The following SEL1L2 variants were observed in gnomAD, a reference collection of about 807,000 sequenced individuals.
SEL1L2 encodes the protein protein sel-1 homolog 2.
In SEL1L2, 89 loss-of-function variants were observed where a neutral mutation model predicts 98.8. The ratio of observed to expected loss-of-function variants is 0.90; its 90% CI spans 0.76 to 1.07. The LOEUF (loss-of-function observed/expected upper bound fraction) is 1.07, where lower values mean the gene tolerates loss of function less well. SEL1L2 is among the 50% of genes least tolerant of loss of function. SEL1L2 has a pLI of 0.00. For missense variants in SEL1L2, 788 were observed against 812.0 expected, an observed-to-expected ratio of 0.97 and a Z score of 0.36; for synonymous variants, 262 against 278.5, an observed-to-expected ratio of 0.94 and a Z score of 0.59.
At chr20:13,925,522 C>A (rs2048853197) in intron 3 of SEL1L2, among the ~76,000 whole-genome samples, 1 of 152,306 alleles carries the variant, frequency 6.6e-6, no homozygotes, top group South Asian at 2.1e-4. Flanking sequence ...GGTTGGTTTT[C>A]CCTAATCTTC....
chr20:13,907,120 A>G (rs978845821), intron 5 of SEL1L2, among the ~76,000 whole-genome samples: 3 of 152,236 alleles, frequency 2.0e-5, no homozygotes, highest in African/African-American at 7.2e-5. Flanking sequence ...TTATTTTTAC[A>G]TGATAGAATG....
At chr20:13,959,962 G>A (rs1384546328) in intron 1 of SEL1L2, among the ~76,000 whole-genome samples, 2 of 152,144 alleles carry the variant, frequency 1.3e-5, no homozygotes, top group Non-Finnish European at 2.9e-5. Flanking sequence ...TTAATGCTTT[G>A]CCTGTAATGT....
intron 8 of SEL1L2, 99 bp from the exon 9 acceptor site, chr20:13,886,541 G>T: frequency 9.7e-7 from 1 of 1,034,964 alleles, no homozygotes; most frequent in Non-Finnish European, 1.4e-6. Context: ...ATCTTAAATT[G>T]TGCAGAAATC....
At chr20:13,947,512 C>T (rs997122121) in intron 2 of SEL1L2, among the ~76,000 whole-genome samples, 2 of 152,182 alleles carry the variant, frequency 1.3e-5, no homozygotes, top group African/African-American at 2.4e-5. Context: ...TGCTCACCCT[C>T]CAATTGTCTG....
intron 2 of SEL1L2, among the ~76,000 whole-genome samples, chr20:13,939,665 C>CTTTTTTT (rs3042764): frequency 0.018 from 2,440 of 137,856 alleles, 57 homozygotes; most frequent in Non-Finnish European, 0.03. Flanking sequence ...CACCCTTATT[C>CTTTTTTT]TTTTTTTTTT....
intron 10 of SEL1L2, among the ~76,000 whole-genome samples, chr20:13,881,768 G>A (rs1258223078): frequency 6.6e-6 from 1 of 152,158 alleles, no homozygotes; most frequent in African/African-American, 2.4e-5. Context: ...CTGAGCAGTG[G>A]ACTGGAGCAT....
intron 1 of SEL1L2, among the ~76,000 whole-genome samples, chr20:13,968,190 C>T (rs1277106428): frequency 1.3e-5 from 2 of 152,152 alleles, no homozygotes; most frequent in African/African-American, 4.8e-5. Flanking sequence ...TTTATTTATT[C>T]TTTTCTGGAA....
At chr20:13,957,095 A>C (rs777463810) in intron 1 of SEL1L2, among the ~76,000 whole-genome samples, 1 of 151,740 alleles carries the variant, frequency 6.6e-6, no homozygotes, top group Non-Finnish European at 1.5e-5. Flanking sequence ...TTAATTAATT[A>C]ATTTATTTCT....
Position 13,865,358 on chromosome 20 carries a change from A to G in SEL1L2, c.1561T>C (p.Leu521=). ...EVAQSNSAFI[L]ESKKANILEK... Reference sequence around the variant, plus strand: ...TTTTAACTCATCTTACTAGATTCCAAAATGAATGCTGAATTGCTTTGAGCT... The same window carrying G: ...TTTTAACTCATCTTACTAGATTCCAGAATGAATGCTGAATTGCTTTGAGCT... The change falls in exon 16 of 20, where the codon TTG becomes CTG. Residue 521 remains leucine (L), a synonymous_variant. Transcript: ENST00000284951. 6.2e-7 allele frequency: 1 copy of G among 1,614,082 alleles called. No homozygotes were observed.
intron 10 of SEL1L2, among the ~76,000 whole-genome samples, chr20:13,878,634 T>C (rs1233757476): frequency 6.6e-6 from 1 of 152,260 alleles, no homozygotes; most frequent in African/African-American, 2.4e-5. Flanking sequence ...GTAGGAATGT[T>C]GCTAACTTCT....
intron 3 of SEL1L2, among the ~76,000 whole-genome samples, chr20:13,919,762 C>T (rs867488336): frequency 1.3e-5 from 2 of 151,900 alleles, no homozygotes; most frequent in African/African-American, 2.4e-5. Context: ...CCTGTCTCTA[C>T]TGAAAATACA....
chr20:13,877,450 G>T, intron 11 of SEL1L2, 70 bp downstream of exon 11: 1 of 1,228,420 alleles, frequency 8.1e-7, no homozygotes, highest in Non-Finnish European at 1.2e-6. Context: ...ACAGGCACAC[G>T]CTGCTATGCC....
At position 13,936,502 on chromosome 20, in the gene SEL1L2, A is replaced by G. The variant is rs529262149; in HGVS notation, c.115-4731T>C. ...TAGAACATAAGATTGGCCTTTTGAG[A>G]TGTCTTTTGAGGCCCACCTGTACCA... On this transcript the variant is annotated intron_variant, in intron 2 of 19. Coordinates refer to ENST00000284951, the MANE Select transcript of SEL1L2 (RefSeq NM_025229.2). 2.0e-5 allele frequency among the ~76,000 whole-genome samples: 3 copies of G among 152,244 alleles called. No homozygotes were observed. In the East Asian group the frequency reaches 5.8e-4, roughly 29 times the overall value.
chr20:13,989,595 T>C (rs2052437628), intron 1 of SEL1L2, among the ~76,000 whole-genome samples: 2 of 152,222 alleles, frequency 1.3e-5, no homozygotes, highest in South Asian at 4.1e-4. Flanking sequence ...TATAGTAGCT[T>C]TGGGTTTTCA....
chr20:13,907,988 T>A (rs1466838801), intron 5 of SEL1L2, among the ~76,000 whole-genome samples: 2 of 151,432 alleles, frequency 1.3e-5, no homozygotes, highest in East Asian at 3.9e-4. Context: ...GGTCTTACTA[T>A]GTTGCCCAGG....
At chr20:13,960,283 G>A (rs1168346705) in intron 1 of SEL1L2, among the ~76,000 whole-genome samples, 1 of 152,146 alleles carries the variant, frequency 6.6e-6, no homozygotes, top group African/African-American at 2.4e-5. Context: ...ATGGAGTGAA[G>A]TTTATATTAT....
intron 12 of SEL1L2, among the ~76,000 whole-genome samples, chr20:13,872,993 CTTTTTTTTTTTT>C (rs112463334): frequency 7.1e-6 from 1 of 141,170 alleles, no homozygotes; most frequent in Non-Finnish European, 1.6e-5. Context: ...TTTCTTTTTT[CTTTTTTTTTTTT>C]TTTGAGACAG....
chr20:13,935,832 C>T (rs2049425907), intron 2 of SEL1L2, among the ~76,000 whole-genome samples: 1 of 151,922 alleles, frequency 6.6e-6, no homozygotes, highest in South Asian at 2.1e-4. Flanking sequence ...GAAAAGAGGC[C>T]AACTGAAATA....
At chr20:13,983,251 T>TAGAGTCAG (rs2051955076) in intron 1 of SEL1L2, among the ~76,000 whole-genome samples, 1 of 151,972 alleles carries the variant, frequency 6.6e-6, no homozygotes, top group Admixed American at 6.6e-5. Context: ...TAGGCGAACG[T>TAGAGTCAG]AGAGTCAGGG....
Sources: gnomAD v4.1 joint callset for allele counts (sites outside exome capture counted in the v4.1 genomes callset) on GRCh38, gnomAD v4.1.1 for gene constraint, MANE v1.5 for transcripts, NCBI Gene and HGNC (gene_info 2026-07-23, HGNC 2026-07-21) for gene names.